Variants in CSMD2 observed in about 807,000 individuals in gnomAD.
CSMD2 encodes CUB and Sushi multiple domains 2.
CSMD2 carries 130 observed loss-of-function variants against 398.5 expected under a neutral mutation model. The observed-to-expected ratio is 0.33, with a 90% CI of 0.28 to 0.38. CSMD2 has a LOEUF of 0.38. CSMD2 is among the 10% of genes least tolerant of loss of function. CSMD2 has a pLI of 1.00. For synonymous variants in CSMD2, 1,828 were observed against 1,908.5 expected (o/e 0.96, Z 1.10); for missense variants, 3,829 against 4,764.9 (o/e 0.80, Z 5.78).
At chr1:34,000,109 G>A (rs1375558856) in intron 3 of CSMD2, among the ~76,000 whole-genome samples, 4 of 152,018 alleles carry the variant, frequency 2.6e-5, no homozygotes, top group Admixed American at 2.0e-4. Flanking sequence ...ACTGAGAAAC[G>A]TGAATCTAAA....
chr1:33,600,017 C>T, intron 44 of CSMD2: 1 of 621,808 alleles, frequency 1.6e-6, no homozygotes, highest in Non-Finnish European at 2.9e-6. Context: ...CTTGAGCCTT[C>T]CTTTGCCCTA....
At chr1:33,893,080 G>T (rs1642139265) in intron 5 of CSMD2, among the ~76,000 whole-genome samples, 1 of 152,206 alleles carries the variant, frequency 6.6e-6, no homozygotes, top group Admixed American at 6.5e-5. Context: ...ACTGTGAATG[G>T]ATCATCATGC....
intron 3 of CSMD2, among the ~76,000 whole-genome samples, chr1:33,949,350 C>A (rs1644932521): frequency 1.3e-5 from 2 of 152,172 alleles, no homozygotes; most frequent in Non-Finnish European, 2.9e-5. Context: ...CTGGGGAGGG[C>A]AGATGGCCCC....
chr1:33,977,324 T>G (rs1646003337), intron 3 of CSMD2, among the ~76,000 whole-genome samples: 1 of 151,918 alleles, frequency 6.6e-6, no homozygotes, highest in African/African-American at 2.4e-5. Flanking sequence ...TTCAACCTCA[T>G]GAATGTTCAG....
chr1:33,546,160 C>A lies in CSMD2; in HGVS notation c.8977G>T (p.Asp2993Tyr), dbSNP rs577112202. ...ATCACAGTGCCTGGATCAAAGCTGT[C>A]CCCCAAACGGATGCCATGAGCCGGG... ...GIPAHGIRLG[D>Y]SFDPGTVMRF... is the part of the protein sequence containing the mutation. Residue 2993 changes from aspartate (D) to tyrosine (Y), a missense_variant, in exon 57 of 71, where the codon GAC (aspartate) becomes TAC (tyrosine). Transcript: ENST00000373381. 6.2e-7 allele frequency: 1 copy of A among 1,614,192 alleles called. No homozygotes were observed. The highest frequency in any genetic ancestry group is 1.1e-5 in the South Asian group (1 of 91,082).
intron 3 of CSMD2, among the ~76,000 whole-genome samples, chr1:33,957,305 G>A (rs1645201336): frequency 6.6e-6 from 1 of 152,142 alleles, no homozygotes; most frequent in African/African-American, 2.4e-5. Context: ...CTTGTTGAAT[G>A]AACTGACAAA....
chr1:33,703,051 T>C (rs1017455718), intron 22 of CSMD2, among the ~76,000 whole-genome samples: 2 of 152,222 alleles, frequency 1.3e-5, no homozygotes, highest in African/African-American at 4.8e-5. Context: ...TTTGTCTATT[T>C]GTCTATTCCT....
chr1:33,546,377 G>T (rs1417063151), intron 56 of CSMD2, among the ~76,000 whole-genome samples, 158 bp from the exon 57 acceptor site: 3 of 152,208 alleles, frequency 2.0e-5, no homozygotes, highest in Admixed American at 2.0e-4. Context: ...GCCTCCATAT[G>T]CAATGGTGGA....
intron 4 of CSMD2, among the ~76,000 whole-genome samples, chr1:33,934,193 G>A (rs1399319097): frequency 1.3e-5 from 2 of 152,214 alleles, no homozygotes; most frequent in African/African-American, 4.8e-5. Flanking sequence ...TAAAGGAGGA[G>A]CTAGTTATTC....
chr1:34,041,987 G>T (rs1211922765), intron 2 of CSMD2, among the ~76,000 whole-genome samples: 1 of 152,160 alleles, frequency 6.6e-6, no homozygotes, highest in African/African-American at 2.4e-5. Flanking sequence ...AGAGGAGGAG[G>T]AACATACCTG....
chr1:33,684,729 C>T (rs1293676404), intron 25 of CSMD2, among the ~76,000 whole-genome samples: 1 of 152,200 alleles, frequency 6.6e-6, no homozygotes, highest in Non-Finnish European at 1.5e-5. Context: ...GGCCTCACCT[C>T]CACCCTGCAT....
At chr1:33,565,561 A>C (rs1658982102) in intron 53 of CSMD2, among the ~76,000 whole-genome samples, 1 of 152,208 alleles carries the variant, frequency 6.6e-6, no homozygotes, top group African/African-American at 2.4e-5. Context: ...ACACTGACAG[A>C]AGAGGGTACT....
chr1:34,135,805 CATTTTTGTGAAATATA>C (rs1638693204), intron 1 of CSMD2, among the ~76,000 whole-genome samples: 1 of 151,926 alleles, frequency 6.6e-6, no homozygotes, highest in African/African-American at 2.4e-5. Flanking sequence ...ACAATGATCC[CATTTTTGTGAAATATA>C]ATTTGTGTTC....
chr1:33,571,981 T>G (rs534459393), intron 50 of CSMD2, among the ~76,000 whole-genome samples: 1 of 152,160 alleles, frequency 6.6e-6, no homozygotes, highest in African/African-American at 2.4e-5. Flanking sequence ...CTATTGAATG[T>G]TTGAGTTGCA....
At chr1:33,570,929 C>T (rs1189459523) in intron 51 of CSMD2, among the ~76,000 whole-genome samples, 1 of 152,198 alleles carries the variant, frequency 6.6e-6, no homozygotes, top group African/African-American at 2.4e-5. Context: ...CTGCTTCCTT[C>T]CCTCCTTTCC....
intron 7 of CSMD2, among the ~76,000 whole-genome samples, chr1:33,822,653 T>C (rs970107548): frequency 2.0e-5 from 3 of 152,236 alleles, no homozygotes; most frequent in East Asian, 3.9e-4. Context: ...GAAAGTAAGA[T>C]GGAAGTGCCA....
intron 3 of CSMD2, among the ~76,000 whole-genome samples, chr1:33,954,397 G>C (rs1645100480): frequency 6.6e-6 from 1 of 151,760 alleles, no homozygotes; most frequent in African/African-American, 2.4e-5. Flanking sequence ...TGGCAGTTCT[G>C]TTGGTGGTGG....
chr1:34,045,028 TCACACACCATACA>T (rs1315467281), intron 2 of CSMD2, among the ~76,000 whole-genome samples: 3 of 121,326 alleles, frequency 2.5e-5, no homozygotes, highest in African/African-American at 9.7e-5. Context: ...TTAGTCATAA[TCACACACCATACA>T]CACACACACA....
chr1:33,962,317 T>C (rs1272982579), intron 3 of CSMD2, among the ~76,000 whole-genome samples: 3 of 152,014 alleles, frequency 2.0e-5, no homozygotes, highest in Non-Finnish European at 4.4e-5. Context: ...TGTTGCTACT[T>C]AGGGGGCTTG....
Sources: allele counts gnomAD v4.1 joint callset (sites outside exome capture counted in the v4.1 genomes callset), GRCh38; gene constraint gnomAD v4.1.1; transcripts MANE v1.5; gene names NCBI Gene and HGNC (gene_info 2026-07-23, HGNC 2026-07-21).